ORC3: variants seen among roughly 807,000 people sequenced by gnomAD.
The protein encoded by ORC3 is origin recognition complex subunit 3.
ORC3 carries 78 observed loss-of-function variants against 100.7 expected under a neutral mutation model. That is an observed-to-expected ratio of 0.77 (90% CI 0.65 to 0.94). The LOEUF (loss-of-function observed/expected upper bound fraction) is 0.94, where lower values mean the gene tolerates loss of function less well. Ranked by LOEUF, ORC3 falls within the 40% of genes least tolerant of loss-of-function variation. The pLI, the probability that ORC3 is intolerant of heterozygous loss-of-function variation, is 0.00. For synonymous variants in ORC3, 295 were observed against 289.3 expected, an observed-to-expected ratio of 1.02 and a Z score of -0.20; for missense variants, 789 against 823.9, an observed-to-expected ratio of 0.96 and a Z score of 0.52.
At chr6:87,649,766 A>G (rs927096418) in intron 13 of ORC3, among the ~76,000 whole-genome samples, 1 of 152,212 alleles carries the variant, frequency 6.6e-6, no homozygotes, top group Non-Finnish European at 1.5e-5. Context: ...TAAAAATAAA[A>G]TTTACCCTCT....
chr6:87,612,363 C>A, intron 8 of ORC3, 115 bp downstream of exon 8: 1 of 530,492 alleles, frequency 1.9e-6, no homozygotes, highest in Non-Finnish European at 3.1e-6. Context: ...CTATATTGAA[C>A]ATATTCCTTC....
intron 8 of ORC3, among the ~76,000 whole-genome samples, chr6:87,612,537 G>A (rs2128255401): frequency 6.6e-6 from 1 of 152,166 alleles, no homozygotes; most frequent in African/African-American, 2.4e-5. Context: ...AAAATTATAG[G>A]TTTATAATGT....
At chr6:87,596,089 C>T (rs933110755) in intron 2 of ORC3, among the ~76,000 whole-genome samples, 1 of 152,090 alleles carries the variant, frequency 6.6e-6, no homozygotes, top group African/African-American at 2.4e-5. Flanking sequence ...GATCCTCCCA[C>T]CTCAGACCTC....
At chr6:87,638,427 A>G (rs1411184373) in intron 13 of ORC3, among the ~76,000 whole-genome samples, 1 of 152,244 alleles carries the variant, frequency 6.6e-6, no homozygotes, top group African/African-American at 2.4e-5. Context: ...CTCATGAGAG[A>G]AAAGACTAAA....
At chr6:87,630,174 A>G (rs1220436853) in intron 11 of ORC3, among the ~76,000 whole-genome samples, 5 of 152,174 alleles carry the variant, frequency 3.3e-5, no homozygotes. Flanking sequence ...TCACACCTGT[A>G]ATCCCAGCAC....
chr6:87,665,018 C>G (rs540917456), intron 18 of ORC3, among the ~76,000 whole-genome samples, 159 bp downstream of exon 18: 1 of 152,242 alleles, frequency 6.6e-6, no homozygotes, highest in Non-Finnish European at 1.5e-5. Flanking sequence ...TTAAAAGTTC[C>G]TTAGGAAGTG....
chr6:87,653,941 G>T (rs935134102), intron 14 of ORC3, among the ~76,000 whole-genome samples: 7 of 152,170 alleles, frequency 4.6e-5, no homozygotes, highest in Admixed American at 3.3e-4. Flanking sequence ...CTTTTCATGG[G>T]CTCTTCTCTT....
chr6:87,627,344 A>G (rs1388013521), intron 11 of ORC3, among the ~76,000 whole-genome samples: 3 of 111,164 alleles, frequency 2.7e-5, no homozygotes, highest in African/African-American at 3.7e-5. Flanking sequence ...CGCCCAGGCT[A>G]GAGTGTAGTG....
chr6:87,637,379 A>C (rs1767906482), intron 13 of ORC3, among the ~76,000 whole-genome samples: 1 of 152,212 alleles, frequency 6.6e-6, no homozygotes, highest in Non-Finnish European at 1.5e-5. Context: ...ATTTCATGCT[A>C]TCTGGAAAAA....
chr6:87,599,853 G>A (rs1231860592), intron 2 of ORC3, among the ~76,000 whole-genome samples: 2 of 152,128 alleles, frequency 1.3e-5, no homozygotes, highest in Non-Finnish European at 2.9e-5. Flanking sequence ...GGCGCCTGTA[G>A]TCCCAGCTAC....
chr6:87,669,388 C>T (rs920473997), downstream of ORC3, among the ~76,000 whole-genome samples: 10 of 152,186 alleles, frequency 6.6e-5, no homozygotes, highest in African/African-American at 2.2e-4. Flanking sequence ...ATTTCTTATT[C>T]AACAGAATGT....
the ORC3 span, chr6:87,675,320 C>A: frequency 2.0e-6 from 1 of 488,684 alleles, no homozygotes; most frequent in Non-Finnish European, 3.7e-6. Context: ...AGCTTTAATC[C>A]TTTTCAAACA....
At chr6:87,615,019 G>T (rs1482549448) in intron 8 of ORC3, among the ~76,000 whole-genome samples, 2 of 152,064 alleles carry the variant, frequency 1.3e-5, no homozygotes, top group African/African-American at 2.4e-5. Context: ...TTCTCACACC[G>T]CTGATAAAGA....
At chr6:87,621,531 T>C in intron 10 of ORC3, 44 bp downstream of exon 10, 1 of 1,363,378 alleles carries the variant, frequency 7.3e-7, no homozygotes, top group Non-Finnish European at 9.9e-7. Context: ...TACTAGAATT[T>C]GGTACTAAAT....
At chr6:87,600,499 AT>A (rs1168079307) in intron 2 of ORC3, among the ~76,000 whole-genome samples, 1 of 152,146 alleles carries the variant, frequency 6.6e-6, no homozygotes, top group Non-Finnish European at 1.5e-5. Flanking sequence ...AGTGGCTTAA[AT>A]TTTTTTGAAA....
Position 87,664,770 on chromosome 6 carries a change from T to C in ORC3, c.1861T>C (p.Cys621Arg), listed in dbSNP as rs1770467255. The C allele has an allele frequency of 6.2e-7, 1 of 1,614,008 alleles. No homozygotes were observed. Among genetic ancestry groups the C allele is most frequent in the African/African-American group, 1.3e-5 (1 of 74,930 alleles). The change falls in exon 18 of 20, where the codon TGC becomes CGC. Residue 621 changes from cysteine (C) to arginine (R), a missense_variant. By Grantham distance (180) the Cys-to-Arg change is radical. Transcript: ENST00000392844. ...KNEALKSEEG[C>R]IPNIAPDICI... ...TGAAGCACTGAAAAGCGAAGAAGGC[T>C]GCATTCCGAATATCGCCCCAGACAT...
chr6:87,599,782 C>T (rs1479869237), intron 2 of ORC3, among the ~76,000 whole-genome samples: 1 of 152,040 alleles, frequency 6.6e-6, no homozygotes, highest in Non-Finnish European at 1.5e-5. Context: ...TCAAGACCAG[C>T]CTGGCCAATG....
intron 2 of ORC3, among the ~76,000 whole-genome samples, chr6:87,596,633 TTTAA>T (rs1158869196): frequency 3.9e-5 from 6 of 152,142 alleles, no homozygotes; most frequent in Non-Finnish European, 2.9e-5. Context: ...AATGGTTGTG[TTTAA>T]TTATTTGTAA....
intron 3 of ORC3, among the ~76,000 whole-genome samples, chr6:87,602,599 AG>A (rs1777989842): frequency 6.6e-6 from 1 of 152,068 alleles, no homozygotes; most frequent in Non-Finnish European, 1.5e-5. Context: ...TAATGAGCAA[AG>A]GCTCATTCAC....
Sources: gnomAD v4.1 joint callset for allele counts (sites outside exome capture counted in the v4.1 genomes callset) on GRCh38, gnomAD v4.1.1 for gene constraint, MANE v1.5 for transcripts, NCBI Gene and HGNC (gene_info 2026-07-23, HGNC 2026-07-21) for gene names.